ZNF804B: variants seen among roughly 807,000 people sequenced by gnomAD.
ZNF804B encodes zinc finger 804B.
A neutral mutation model predicts 101.4 loss-of-function variants in ZNF804B; 80 were observed. The observed-to-expected ratio is 0.79, with a 90% CI of 0.66 to 0.95. ZNF804B has a LOEUF of 0.95. ZNF804B is among the 40% of genes least tolerant of loss of function. The pLI is 0.00. For missense variants in ZNF804B, 1,673 were observed against 1,561.9 expected (o/e 1.07, Z -1.20); for synonymous variants, 622 against 558.8 (o/e 1.11, Z -1.59).
intron 1 of ZNF804B, among the ~76,000 whole-genome samples, chr7:88,796,450 T>C (rs1790486582): frequency 6.6e-6 from 1 of 152,166 alleles, no homozygotes; most frequent in Non-Finnish European, 1.5e-5. Context: ...TTTCCGAAGA[T>C]GTAAACCATG....
At chr7:88,792,478 AT>A (rs1307333703) in intron 1 of ZNF804B, among the ~76,000 whole-genome samples, 1 of 152,130 alleles carries the variant, frequency 6.6e-6, no homozygotes, top group Non-Finnish European at 1.5e-5. Context: ...ATTCTCTTAC[AT>A]ATGCTCGTCT....
intron 1 of ZNF804B, among the ~76,000 whole-genome samples, chr7:88,835,221 C>G (rs190597273): frequency 6.6e-6 from 1 of 151,946 alleles, no homozygotes; most frequent in African/African-American, 2.4e-5. Flanking sequence ...AACCCAAGAT[C>G]ATGAAATCAC....
chr7:89,210,758 G>A (rs527842048), intron 1 of ZNF804B, among the ~76,000 whole-genome samples: 5 of 152,158 alleles, frequency 3.3e-5, no homozygotes, highest in Non-Finnish European at 7.3e-5. Context: ...ATGGGCATTT[G>A]AGTTGATTCC....
intron 1 of ZNF804B, among the ~76,000 whole-genome samples, chr7:89,078,282 T>C (rs1789642441): frequency 6.6e-6 from 1 of 152,054 alleles, no homozygotes; most frequent in African/African-American, 2.4e-5. Context: ...TTAATCAGTA[T>C]ATTTTGTGCT....
chr7:89,199,600 G>C (rs1205168780), intron 1 of ZNF804B, among the ~76,000 whole-genome samples: 4 of 151,678 alleles, frequency 2.6e-5, no homozygotes, highest in Non-Finnish European at 5.9e-5. Context: ...TCAAATTGCT[G>C]AGTGCCCCAC....
intron 1 of ZNF804B, among the ~76,000 whole-genome samples, chr7:89,096,708 T>C (rs1789977191): frequency 6.6e-6 from 1 of 152,204 alleles, no homozygotes; most frequent in Non-Finnish European, 1.5e-5. Flanking sequence ...GTCTAACTCA[T>C]TGATATTTTT....
chr7:89,321,564 TAATC>T (rs985115264), intron 2 of ZNF804B, among the ~76,000 whole-genome samples: 4 of 151,920 alleles, frequency 2.6e-5, no homozygotes, highest in Non-Finnish European at 5.9e-5. Flanking sequence ...CGTAACTAAA[TAATC>T]AATAGAAAAG....
intron 2 of ZNF804B, among the ~76,000 whole-genome samples, chr7:89,249,056 G>A (rs1338247350): frequency 6.9e-6 from 1 of 144,382 alleles, no homozygotes; most frequent in Non-Finnish European, 1.5e-5. Flanking sequence ...GGACAAAGAA[G>A]GGCATTACAT....
chr7:88,804,969 A>G (rs1486211673), intron 1 of ZNF804B, among the ~76,000 whole-genome samples: 2 of 152,180 alleles, frequency 1.3e-5, no homozygotes, highest in East Asian at 3.8e-4. Context: ...ATGAAATACT[A>G]AAACAGGGAG....
At chr7:89,147,613 G>A (rs547950437) in intron 1 of ZNF804B, among the ~76,000 whole-genome samples, 6 of 152,058 alleles carry the variant, frequency 3.9e-5, no homozygotes, top group East Asian at 1.9e-4. Flanking sequence ...TAGGAACCAG[G>A]CCATACAGCA....
chr7:89,160,832 C>G (rs1433012580), intron 1 of ZNF804B, among the ~76,000 whole-genome samples: 1 of 152,280 alleles, frequency 6.6e-6, no homozygotes, highest in Non-Finnish European at 1.5e-5. Flanking sequence ...TGTCAACATT[C>G]TGCGTCATTA....
intron 1 of ZNF804B, among the ~76,000 whole-genome samples, chr7:89,195,539 C>A (rs1180618046): frequency 1.3e-5 from 2 of 150,512 alleles, no homozygotes; most frequent in African/African-American, 4.9e-5. Flanking sequence ...TTCTTATACA[C>A]CAATAACAGA....
At chr7:89,139,705 C>T (rs1281179506) in intron 1 of ZNF804B, among the ~76,000 whole-genome samples, 5 of 152,086 alleles carry the variant, frequency 3.3e-5, no homozygotes. Context: ...ATTCAGTCAT[C>T]TCTTCAGGCT....
chr7:88,857,498 A>T (rs1791582446), intron 1 of ZNF804B, among the ~76,000 whole-genome samples: 1 of 152,216 alleles, frequency 6.6e-6, no homozygotes, highest in Admixed American at 6.5e-5. Flanking sequence ...TACACAAAAA[A>T]ACTAGAAAAT....
At chr7:89,307,377 A>G (rs1435525108) in intron 2 of ZNF804B, among the ~76,000 whole-genome samples, 3 of 152,082 alleles carry the variant, frequency 2.0e-5, no homozygotes, top group Non-Finnish European at 4.4e-5. Flanking sequence ...TCAGTTAAAC[A>G]CTATCCAAGT....
chr7:88,877,792 T>A (rs148550287), intron 1 of ZNF804B, among the ~76,000 whole-genome samples: 2 of 152,268 alleles, frequency 1.3e-5, no homozygotes, highest in East Asian at 3.9e-4. Flanking sequence ...AAATATATTA[T>A]CTTTTACATT....
At chr7:88,853,527 A>T (rs988893475) in intron 1 of ZNF804B, among the ~76,000 whole-genome samples, 1 of 152,134 alleles carries the variant, frequency 6.6e-6, no homozygotes, top group Admixed American at 6.6e-5. Context: ...TTATGCTAAC[A>T]TTGATTTTTC....
intron 2 of ZNF804B, among the ~76,000 whole-genome samples, chr7:89,265,380 G>T (rs1789777927): frequency 6.6e-6 from 1 of 152,154 alleles, no homozygotes; most frequent in Non-Finnish European, 1.5e-5. Flanking sequence ...GCACAAAAAG[G>T]ATGCTTTAGG....
At chr7:89,211,944 A>T (rs1000785695) in intron 1 of ZNF804B, among the ~76,000 whole-genome samples, 1 of 152,070 alleles carries the variant, frequency 6.6e-6, no homozygotes, top group Non-Finnish European at 1.5e-5. Flanking sequence ...CAGTATGGCC[A>T]TTTTCATGAC....
Sources: gnomAD v4.1 joint callset for allele counts (sites outside exome capture counted in the v4.1 genomes callset) on GRCh38, gnomAD v4.1.1 for gene constraint, MANE v1.5 for transcripts, NCBI Gene and HGNC (gene_info 2026-07-23, HGNC 2026-07-21) for gene names.